SCN3A: variants seen among roughly 807,000 people sequenced by gnomAD.
SCN3A encodes the protein sodium voltage-gated channel alpha subunit 3, also known as sodium channel protein type 3 subunit alpha.
A neutral mutation model predicts 187.6 loss-of-function variants in SCN3A; 60 were observed. The observed-to-expected ratio is 0.32, with a 90% CI of 0.26 to 0.40. The LOEUF (loss-of-function observed/expected upper bound fraction) is 0.40, where lower values mean the gene tolerates loss of function less well. SCN3A is among the 10% of genes least tolerant of loss of function. SCN3A has a pLI of 1.00. For synonymous variants in SCN3A, 788 were observed against 829.2 expected, an observed-to-expected ratio of 0.95 and a Z score of 0.85; for missense variants, 1,601 against 2,428.2, an observed-to-expected ratio of 0.66 and a Z score of 7.16.
At position 165,092,720 on chromosome 2, in the gene SCN3A, T is replaced by C. The variant is rs1161289613; in HGVS notation, c.4537-196A>G. The C allele has an allele frequency of 5.1e-6, 3 of 593,892 alleles. No homozygotes were observed. The highest frequency in any genetic ancestry group is 8.8e-6 in the Non-Finnish European group (3 of 340,900). The allele number at this position is 593,892 out of a possible 1,614,324, so 36.8% of individuals were successfully genotyped here. A position where few individuals can be genotyped will look rare whatever the true frequency, so the allele number is the denominator to read the frequency against. ...AAAATTTATATAGCTAAACAAAGCA[T>C]ATTTGGTTTATATAGGTCCTATGGA... On this transcript the variant is annotated intron_variant, in intron 26 of 27. Transcript: ENST00000283254. This position sits in a 1 kb window ranked among gnomAD's most constrained non-coding sequence, Gnocchi z 4.2.
chr2:165,195,124 CA>C (rs993861538), intron 1 of SCN3A: 24 of 152,092 alleles, frequency 1.6e-4, no homozygotes, highest in African/African-American at 5.6e-4. Context: ...TTGTTTTAAA[CA>C]GGGATTGTAG....
rs1378878398 is a variant in SCN3A, at chr2:165,159,249, G to A, written c.1031+3059C>T. Among the ~76,000 whole-genome samples the A allele has an allele frequency of 2.9e-5, 4 of 138,242 alleles. No individual in the cohort carries two copies. In the Admixed American group the frequency reaches 3.0e-4, roughly 10 times the overall value. 90.7% of individuals were successfully genotyped at this position (138,242 alleles called of 152,430 possible). A position where few individuals can be genotyped will look rare whatever the true frequency, so the allele number is the denominator to read the frequency against. On this transcript the variant is annotated intron_variant, in intron 9 of 27. Coordinates refer to ENST00000283254, the MANE Select transcript of SCN3A (RefSeq NM_006922.4). ...AACCACCTGTACTATATACTCGTGT[G>A]GGGTATCTGTTCAGATCTTTTGCCA...
At chr2:165,197,882 G>A (rs950676428) in intron 1 of SCN3A, among the ~76,000 whole-genome samples, 2 of 151,818 alleles carry the variant, frequency 1.3e-5, no homozygotes, top group Non-Finnish European at 2.9e-5. Flanking sequence ...TAAGGCCATT[G>A]TCAAAAACGG....
rs142927332 is a variant in SCN3A, at chr2:165,122,243, T to C, written c.3393+5388A>G. ...TTTTCTTTCTTTCTTTTTTTTCTTTTTTTTTTTTTTTACAGAACCTTTCCC... is the reference window on the plus strand; with the variant it reads ...TTTTCTTTCTTTCTTTTTTTTCTTTCTTTTTTTTTTTACAGAACCTTTCCC... On this transcript the variant is annotated intron_variant, in intron 18 of 27. Transcript: ENST00000283254. Among the ~76,000 whole-genome samples the C allele has an allele frequency of 9.5e-3, 1,419 of 148,814 alleles. 41 individuals are homozygous for C. Among genetic ancestry groups the C allele is most frequent in the African/African-American group, 0.032 (1,301 of 40,780 alleles).
At chr2:165,193,395 C>CA (rs1691735409) in intron 1 of SCN3A, among the ~76,000 whole-genome samples, 1 of 152,104 alleles carries the variant, frequency 6.6e-6, no homozygotes, top group Non-Finnish European at 1.5e-5. Context: ...AAACCACATG[C>CA]AAATCAGAAT....
intron 2 of SCN3A, among the ~76,000 whole-genome samples, chr2:165,182,507 G>A (rs1443503136): frequency 6.6e-6 from 1 of 152,120 alleles, no homozygotes; most frequent in Non-Finnish European, 1.5e-5. Context: ...CAATAAGTTA[G>A]GGAGAAAAAC....
At chr2:165,132,669 A>G (rs1009551500) in intron 15 of SCN3A, among the ~76,000 whole-genome samples, 3 of 152,260 alleles carry the variant, frequency 2.0e-5, no homozygotes, top group Admixed American at 2.0e-4. Flanking sequence ...ACCTAAAGCC[A>G]TAAAAACCCT....
Position 165,140,561 on chromosome 2 carries a change from G to T in SCN3A, c.2019+90C>A. ...TTTTACCAACTTTCATTTTGAGGAA[G>T]CAGGACGGTATGACAGCCTAAACTG... is the stretch of plus-strand genomic sequence containing the variant. On this transcript the variant is annotated intron_variant, in intron 13 of 27. Coordinates refer to ENST00000283254, the MANE Select transcript of SCN3A (RefSeq NM_006922.4). The surrounding 1 kb of genome is among the most constrained non-coding windows in gnomAD (Gnocchi z 4.2). 1 of 1,071,814 alleles carries T rather than the reference G, an allele frequency of 9.3e-7. No homozygotes were observed. Among genetic ancestry groups the T allele is most frequent in the Non-Finnish European group, 1.4e-6 (1 of 693,732 alleles). 66.4% of individuals were successfully genotyped at this position (1,071,814 alleles called of 1,614,324 possible). A position where few individuals can be genotyped will look rare whatever the true frequency, so the allele number is the denominator to read the frequency against.
At chr2:165,093,145 T>TA (rs1368374951) in intron 26 of SCN3A, 1 of 152,196 alleles carries the variant, frequency 6.6e-6, no homozygotes, top group East Asian at 1.9e-4. Context: ...ATAATTTTTA[T>TA]AAAAAATAGT....
chr2:165,109,919 G>A (rs10930149), intron 21 of SCN3A, among the ~76,000 whole-genome samples: 34,358 of 151,930 alleles, frequency 0.23, 3,784 homozygotes, highest in Middle Eastern at 0.27. Flanking sequence ...ATACAAGTAC[G>A]CCAGTTTCTT....
intron 2 of SCN3A, among the ~76,000 whole-genome samples, chr2:165,179,389 C>T (rs1690687800): frequency 6.6e-6 from 1 of 152,142 alleles, no homozygotes; most frequent in Non-Finnish European, 1.5e-5. Context: ...TAATTGGATT[C>T]TCCTGGTTGG....
chr2:165,116,651 G>A (rs1408119478), intron 18 of SCN3A, among the ~76,000 whole-genome samples: 1 of 152,128 alleles, frequency 6.6e-6, no homozygotes. Flanking sequence ...CACAGTTCAT[G>A]TTGGGGAAAT....
At chr2:165,097,564 T>C (rs757081139) in intron 22 of SCN3A, 40 bp from the exon 23 acceptor site, 5 of 1,609,494 alleles carry the variant, frequency 3.1e-6, no homozygotes, top group Admixed American at 3.3e-5. Flanking sequence ...TACAAACCTT[T>C]TGAATGGAAA....
intron 9 of SCN3A, among the ~76,000 whole-genome samples, chr2:165,157,725 T>G (rs1216379300): frequency 6.6e-6 from 1 of 152,214 alleles, no homozygotes; most frequent in Non-Finnish European, 1.5e-5. Context: ...CATAGGATAT[T>G]TGTCCATTCA....
At position 165,168,878 on chromosome 2, in the gene SCN3A, A is replaced by G; in HGVS notation, c.384-53T>C. 2.4e-6 allele frequency: 3 copies of G among 1,243,946 alleles called. No homozygotes were observed. In the Admixed American group the frequency reaches 5.1e-5, roughly 21 times the overall value. The allele number at this position is 1,243,946 out of a possible 1,614,324, so 77.1% of individuals were successfully genotyped here. A position where few individuals can be genotyped will look rare whatever the true frequency, so the allele number is the denominator to read the frequency against. On this transcript the variant is annotated intron_variant, in intron 4 of 27. Transcript: ENST00000283254. ...AGTAGGTTACCATGGCCATTTATAA[A>G]TGATCCAAAACACACAAAAAAGTTT... is the stretch of plus-strand genomic sequence containing the variant.
intron 18 of SCN3A, among the ~76,000 whole-genome samples, chr2:165,124,427 TTCTA>T (rs2105749246): frequency 6.6e-6 from 1 of 152,298 alleles, no homozygotes; most frequent in Non-Finnish European, 1.5e-5. Context: ...GAAAAAGTTT[TTCTA>T]TCTTTTAGCT....
rs1281699357 is a variant in SCN3A at position 165,146,973 on chromosome 2, T to C, written c.1437A>G (p.Gly479=). The change falls in exon 12 of 28, where the codon GGA becomes GGG. Residue 479 remains glycine (G), a synonymous_variant. Coordinates refer to ENST00000283254, the MANE Select transcript of SCN3A (RefSeq NM_006922.4). ...SRDFSGIGGL[G]ELLESSSEAS... is the part of the protein sequence containing the mutation. ...CTTCTGAAGAACTTTCCAACAGCTC[T>C]CCTAACCCACCTATTCCACTGAAAT... The C allele has an allele frequency of 6.2e-7, 1 of 1,613,944 alleles. No individual in the cohort carries two copies. The highest frequency in any genetic ancestry group is 8.5e-7 in the Non-Finnish European group (1 of 1,179,958).
At chr2:165,147,294 G>A (rs78008317) in intron 11 of SCN3A, among the ~76,000 whole-genome samples, 5 of 131,270 alleles carry the variant, frequency 3.8e-5, no homozygotes, top group African/African-American at 1.0e-4. Context: ...GGGGGGGGGG[G>A]GTTGGTGACA....
At chr2:165,092,000 G>A in intron 27 of SCN3A, 1 of 541,182 alleles carries the variant, frequency 1.8e-6, no homozygotes. Flanking sequence ...TTAAGATTAG[G>A]AGAGTACCTG....
Sources: allele counts gnomAD v4.1 joint callset (sites outside exome capture counted in the v4.1 genomes callset), GRCh38; gene constraint gnomAD v4.1.1; non-coding constraint Gnocchi (gnomAD v3.1); transcripts MANE v1.5; gene names NCBI Gene and HGNC (gene_info 2026-07-23, HGNC 2026-07-21).